Variants in ANAPC4 observed in about 807,000 individuals in gnomAD.
ANAPC4 encodes the protein anaphase-promoting complex subunit 4.
A neutral mutation model predicts 119.8 loss-of-function variants in ANAPC4; 63 were observed. The observed-to-expected ratio is 0.53, with a 90% CI of 0.43 to 0.65. The LOEUF is 0.65. Among genes scored for constraint, ANAPC4 ranks in the 30% least tolerant of loss-of-function variants. The probability of loss-of-function intolerance (pLI) is 0.00; values close to 1 mark genes in which losing one functional copy is unlikely to be tolerated. For synonymous variants in ANAPC4, 283 were observed against 318.6 expected, an observed-to-expected ratio of 0.89 and a Z score of 1.19; for missense variants, 716 against 945.1, an observed-to-expected ratio of 0.76 and a Z score of 3.18.
At chr4:25,386,761 A>G (rs1424605731) in intron 4 of ANAPC4, among the ~76,000 whole-genome samples, 1 of 152,246 alleles carries the variant, frequency 6.6e-6, no homozygotes, top group Non-Finnish European at 1.5e-5. Context: ...TGATTTGTGA[A>G]AAATGCAGTA....
At chr4:25,403,412 A>G (rs1723084440) in intron 17 of ANAPC4, among the ~76,000 whole-genome samples, 1 of 152,192 alleles carries the variant, frequency 6.6e-6, no homozygotes, top group Admixed American at 6.5e-5. Flanking sequence ...GCTAACTTGT[A>G]GTCTGTTATC....
Position 25,407,214 on chromosome 4 carries a change from T to A in ANAPC4, c.1392T>A (p.Asn464Lys). The A allele has an allele frequency of 6.2e-7, 1 of 1,608,522 alleles. No homozygotes were observed. Among genetic ancestry groups the A allele is most frequent in the South Asian group, 1.1e-5 (1 of 90,158 alleles). The change falls in exon 20 of 29, where the codon AAT (asparagine) becomes AAA (lysine). Residue 464 changes from asparagine (N) to lysine (K), a missense_variant. By Grantham distance (94) the Asn-to-Lys change is moderately conservative. This residue lies in a region of ANAPC4 where 504 missense variants were observed against 615.8 expected (regional missense o/e 0.82). Transcript: ENST00000315368. ...TTTTCCAGGCTCCAGACCTTTATAATCGAAAAGGAAAATACTTTAACGTTG... is the reference window on the plus strand; with the variant it reads ...TTTTCCAGGCTCCAGACCTTTATAAACGAAAAGGAAAATACTTTAACGTTG... ...EHFNEAPDLY[N>K]RKGKYFNVER...
chr4:25,394,234 C>T (rs1722511568), intron 11 of ANAPC4, 76 bp from the exon 12 acceptor site: 2 of 1,186,988 alleles, frequency 1.7e-6, no homozygotes, highest in Admixed American at 5.4e-5. Context: ...GGGAGTCATG[C>T]TCCTATAATT....
At chr4:25,387,420 C>G (rs1553902750) in intron 4 of ANAPC4, among the ~76,000 whole-genome samples, 1 of 152,130 alleles carries the variant, frequency 6.6e-6, no homozygotes, top group Non-Finnish European at 1.5e-5. Context: ...AGGGTTTGAC[C>G]TGGGGTTTGA....
intron 3 of ANAPC4, among the ~76,000 whole-genome samples, chr4:25,382,126 C>T (rs79738421): frequency 6.6e-6 from 1 of 151,446 alleles, no homozygotes; most frequent in Non-Finnish European, 1.5e-5. Context: ...TTTTTTTCCC[C>T]CCCCTCACTT....
intron 2 of ANAPC4, 48 bp from the exon 3 acceptor site, chr4:25,380,326 T>C: frequency 5.4e-6 from 8 of 1,473,436 alleles, no homozygotes; most frequent in Non-Finnish European, 7.5e-6. Flanking sequence ...TATTTTATTT[T>C]TGGAAATGAA....
At chr4:25,416,368 A>G (rs1200521783) in intron 26 of ANAPC4, 57 bp from the exon 27 acceptor site, 9 of 1,255,486 alleles carry the variant, frequency 7.2e-6, no homozygotes, top group African/African-American at 4.5e-5. Flanking sequence ...CATGCATACA[A>G]TATTTTCTCA....
rs950879201 is a variant in ANAPC4 at position 25,414,346 on chromosome 4, A to C, written c.1646A>C (p.Asn549Thr). 4.4e-6 allele frequency: 7 copies of C among 1,598,428 alleles called. No homozygotes were observed. The highest frequency in any genetic ancestry group is 4.3e-6 in the Non-Finnish European group (5 of 1,169,546). ...KPADVIGKSMNQAICIPLYRD... is the reference protein window; with the variant it reads ...KPADVIGKSMTQAICIPLYRD... ...TAGGATGTAATTGGAAAATCGATGA[A>C]TCAAGCAATCTGTATTCCATTGTAT... is the stretch of plus-strand genomic sequence containing the variant. Residue 549 changes from asparagine (N) to threonine (T), a missense_variant, in exon 23 of 29, where the codon AAT (asparagine) becomes ACT (threonine). By Grantham distance (65) the Asn-to-Thr change is moderately conservative. This residue lies in a region of ANAPC4 where 504 missense variants were observed against 615.8 expected (regional missense o/e 0.82). Coordinates refer to ENST00000315368, the MANE Select transcript of ANAPC4 (RefSeq NM_013367.3).
chr4:25,394,591 T>A (rs1053108779), intron 12 of ANAPC4, 80 bp from the exon 13 acceptor site: 2 of 1,436,550 alleles, frequency 1.4e-6, no homozygotes, highest in Non-Finnish European at 1.9e-6. Flanking sequence ...TTGTTTGTGC[T>A]TCGAAATTTA....
chr4:25,383,141 G>A, intron 3 of ANAPC4, 120 bp from the exon 4 acceptor site: 1 of 915,058 alleles, frequency 1.1e-6, no homozygotes, highest in Admixed American at 3.6e-5. Flanking sequence ...GGATGTTTAG[G>A]TCAAAAATTG....
intron 19 of ANAPC4, 110 bp from the exon 20 acceptor site, chr4:25,407,084 AAAT>A: frequency 1.0e-6 from 1 of 974,612 alleles, no homozygotes; most frequent in South Asian, 1.6e-5. Context: ...CTATAAAAGA[AAAT>A]AATAACTGCC....
chr4:25,418,367 T>A lies in ANAPC4; in HGVS notation c.2412T>A (p.Pro804=), dbSNP rs772519469. Residue 804 remains proline (P), a synonymous_variant, in exon 29 of 29, where the codon CCT becomes CCA. Transcript: ENST00000315368. ...TCATTAAAGTGGAAAAACTTGACCC[T>A]GAGCTAGACTCCTAATCTAGCTTGC... ...EIVIKVEKLD[P]ELDS 1.2e-6 allele frequency: 2 copies of A among 1,614,018 alleles called. No individual in the cohort carries two copies.
At chr4:25,400,527 A>C (rs1480929060) in intron 16 of ANAPC4, among the ~76,000 whole-genome samples, 1 of 152,164 alleles carries the variant, frequency 6.6e-6, no homozygotes, top group African/African-American at 2.4e-5. Flanking sequence ...GCTGTGAAGC[A>C]GCTGTCTAGT....
intron 22 of ANAPC4, 188 bp downstream of exon 22, chr4:25,413,930 C>CGTGT (rs72141989): frequency 0.034 from 17,358 of 511,046 alleles, 227 homozygotes; most frequent in African/African-American, 0.055. Flanking sequence ...TTCTTACACA[C>CGTGT]GTGTGTGTGT....
At chr4:25,398,689 GTT>G (rs1419904587) in intron 16 of ANAPC4, among the ~76,000 whole-genome samples, 4 of 152,164 alleles carry the variant, frequency 2.6e-5, no homozygotes, top group African/African-American at 4.8e-5. Context: ...GCTGCTCAGA[GTT>G]GAGAATAGCT....
Position 25,377,302 on chromosome 4 carries a change from G to A in ANAPC4, c.-53G>A. The A allele has an allele frequency of 7.6e-7, 1 of 1,323,330 alleles. No homozygotes were observed. The highest frequency in any genetic ancestry group is 1.0e-6 in the Non-Finnish European group (1 of 985,662). The allele number at this position is 1,323,330 out of a possible 1,614,324, so 82.0% of individuals were successfully genotyped here. On this transcript the variant is annotated 5_prime_UTR_variant, in exon 1 of 29. Coordinates refer to ENST00000315368, the MANE Select transcript of ANAPC4 (RefSeq NM_013367.3). ...GCGCGGCCGGCAGAGGGAGGGGAGAGGCCACTGGGGCCGTGTTAGTCTGCC... is the reference window on the plus strand; with the variant it reads ...GCGCGGCCGGCAGAGGGAGGGGAGAAGCCACTGGGGCCGTGTTAGTCTGCC...
chr4:25,402,737 C>T lies in ANAPC4; in HGVS notation c.1215-234C>T, dbSNP rs1723043106. ...ACAGTTTGTGGCAAGGCTCTTGTAA[C>T]CAGTTGGAATCTAAGTTATTTGCTT... On this transcript the variant is annotated intron_variant, in intron 16 of 28. Coordinates refer to ENST00000315368, the MANE Select transcript of ANAPC4 (RefSeq NM_013367.3). Among the ~76,000 whole-genome samples the T allele has an allele frequency of 2.6e-5, 4 of 152,212 alleles. No individual in the cohort carries two copies. In the South Asian group the frequency reaches 8.3e-4, roughly 32 times the overall value.
At chr4:25,390,035 T>C in intron 7 of ANAPC4, 101 bp from the exon 8 acceptor site, 2 of 768,498 alleles carry the variant, frequency 2.6e-6, no homozygotes, top group Non-Finnish European at 4.3e-6. Context: ...AGCTTTAGCA[T>C]GTAGATTATA....
intron 17 of ANAPC4, among the ~76,000 whole-genome samples, chr4:25,403,932 A>G (rs1723116288): frequency 6.6e-6 from 1 of 152,248 alleles, no homozygotes; most frequent in Admixed American, 6.5e-5. Context: ...TCTGCAGTAT[A>G]TGCATATTTT....
Sources: gnomAD v4.1 joint callset for allele counts (sites outside exome capture counted in the v4.1 genomes callset) on GRCh38, gnomAD v4.1.1 for gene constraint, gnomAD v4.1.1 regional missense constraint, MANE v1.5 for transcripts, NCBI Gene and HGNC (gene_info 2026-07-23, HGNC 2026-07-21) for gene names.